SYNE2: variants seen among roughly 807,000 people sequenced by gnomAD.
The protein encoded by SYNE2 is spectrin repeat containing nuclear envelope protein 2.
SYNE2 carries 431 observed loss-of-function variants against 856.3 expected under a neutral mutation model. That is an observed-to-expected ratio of 0.50 (90% CI 0.47 to 0.55). The LOEUF is 0.55. Among genes scored for constraint, SYNE2 ranks in the 20% least tolerant of loss-of-function variants. SYNE2 has a pLI of 0.00. For missense variants in SYNE2, 8,129 were observed against 8,023.2 expected (o/e 1.01, Z -0.50); for synonymous variants, 2,923 against 2,872.3 (o/e 1.02, Z -0.56).
intron 8 of SYNE2, among the ~76,000 whole-genome samples, chr14:63,959,938 G>A (rs370066026): frequency 1.6e-4 from 24 of 152,122 alleles, no homozygotes; most frequent in Middle Eastern, 6.8e-3. Context: ...CCGCATAATT[G>A]CCCATAATTC....
chr14:63,872,999 A>T (rs2094623762), intron 1 of SYNE2, among the ~76,000 whole-genome samples: 1 of 151,866 alleles, frequency 6.6e-6, no homozygotes, highest in Non-Finnish European at 1.5e-5. Context: ...TCTAGGACCC[A>T]CCTGTTCACG....
intron 2 of SYNE2, among the ~76,000 whole-genome samples, chr14:63,937,899 T>G (rs2095852708): frequency 6.6e-6 from 1 of 152,160 alleles, no homozygotes; most frequent in Admixed American, 6.5e-5. Context: ...TGAGGGACAC[T>G]GAAAAACTGG....
chr14:64,060,891 T>A (rs1335082177), intron 49 of SYNE2, among the ~76,000 whole-genome samples: 1 of 152,136 alleles, frequency 6.6e-6, no homozygotes, highest in Non-Finnish European at 1.5e-5. Context: ...TGGCTGAGTT[T>A]TGTCCTATGT....
At chr14:63,983,969 C>T (rs1014005642) in intron 18 of SYNE2, 83 bp downstream of exon 18, 10 of 1,048,136 alleles carry the variant, frequency 9.5e-6, no homozygotes, top group South Asian at 1.5e-5. Context: ...TTGCCGGGCA[C>T]GGTGGCTCAT....
intron 25 of SYNE2, 142 bp downstream of exon 25, chr14:63,997,533 A>G (rs2096722811): frequency 1.3e-6 from 1 of 764,938 alleles, no homozygotes. Context: ...TACACAATGC[A>G]AAAGACTGAT....
At position 64,062,732 on chromosome 14, in the gene SYNE2, TCTAA is replaced by T. The variant is rs746440795; in HGVS notation, c.10068-16_10068-13del. 3 of 1,607,896 alleles carry T rather than the reference TCTAA, an allele frequency of 1.9e-6. No homozygotes were observed. The highest frequency in any genetic ancestry group is 2.6e-6 in the Non-Finnish European group (3 of 1,174,678). On this transcript the variant is annotated splice_polypyrimidine_tract_variant and intron_variant, in intron 49 of 115. Coordinates refer to ENST00000555002, the MANE Select transcript of SYNE2 (RefSeq NM_182914.3). ...AAATAAAATTTAATACCACTTTTTTTCTAACTGTGACTCACTAGGTATCTTGAGA... is the reference window on the plus strand; with the variant it reads ...AAATAAAATTTAATACCACTTTTTTTCTGTGACTCACTAGGTATCTTGAGA...
At chr14:64,155,163 T>C (rs1467109990) in intron 85 of SYNE2, among the ~76,000 whole-genome samples, 1 of 152,182 alleles carries the variant, frequency 6.6e-6, no homozygotes, top group Non-Finnish European at 1.5e-5. Context: ...CAAAAACTTA[T>C]ACGTGAATAT....
intron 45 of SYNE2, among the ~76,000 whole-genome samples, chr14:64,031,730 T>C (rs2097037866): frequency 6.6e-6 from 1 of 152,236 alleles, no homozygotes; most frequent in South Asian, 2.1e-4. Context: ...GGGGGTTGAT[T>C]TCATAATAAA....
intron 73 of SYNE2, among the ~76,000 whole-genome samples, chr14:64,127,953 A>G (rs1238751374): frequency 2.6e-5 from 4 of 152,212 alleles, no homozygotes; most frequent in Admixed American, 2.6e-4. Context: ...GGGATTCTGC[A>G]GGTTAAGAGA....
intron 32 of SYNE2, among the ~76,000 whole-genome samples, chr14:64,015,515 CTG>C (rs2096885908): frequency 6.6e-6 from 1 of 152,006 alleles, no homozygotes; most frequent in South Asian, 2.1e-4. Flanking sequence ...TGCTTGATGT[CTG>C]TAGTGTCTGT....
intron 96 of SYNE2, 152 bp from the exon 97 acceptor site, chr14:64,186,272 G>A (rs928865376): frequency 4.3e-6 from 4 of 925,732 alleles, no homozygotes; most frequent in Middle Eastern, 2.3e-4. Flanking sequence ...AACTGCAGGC[G>A]CTCGTCTTGG....
chr14:64,087,633 A>G (rs928419923), intron 57 of SYNE2, 38 bp from the exon 58 acceptor site: 1 of 1,596,448 alleles, frequency 6.3e-7, no homozygotes, highest in African/African-American at 1.3e-5. Context: ...CAGGATCTTG[A>G]TGTTTCTCTC....
intron 1 of SYNE2, among the ~76,000 whole-genome samples, chr14:63,892,474 C>T (rs1296255822): frequency 1.3e-5 from 2 of 150,694 alleles, no homozygotes; most frequent in Non-Finnish European, 1.5e-5. Flanking sequence ...GGCATTTTTA[C>T]CTTAAAATAC....
At chr14:64,005,438 A>T (rs909970218) in intron 30 of SYNE2, among the ~76,000 whole-genome samples, 1 of 152,120 alleles carries the variant, frequency 6.6e-6, no homozygotes, top group African/African-American at 2.4e-5. Context: ...TGGGGTGTAA[A>T]AGAGATATTG....
At chr14:63,976,143 A>T (rs2096541111) in intron 11 of SYNE2, among the ~76,000 whole-genome samples, 1 of 152,212 alleles carries the variant, frequency 6.6e-6, no homozygotes, top group South Asian at 2.1e-4. Flanking sequence ...ATATACAGTT[A>T]GGGCTAGAGA....
chr14:64,119,282 T>A (rs779753198), intron 66 of SYNE2, 145 bp from the exon 67 acceptor site: 2 of 978,926 alleles, frequency 2.0e-6, no homozygotes, highest in African/African-American at 3.3e-5. Context: ...TGTGGAAGTT[T>A]TTGTTTTTCC....
chr14:64,202,783 T>A lies in SYNE2; in HGVS notation c.18039-18T>A, dbSNP rs2098581015. ...GGTTTTTTTTTGTTTCGTTTTGTTTTTCTGCAAATATGTGTAGGGTGAAGA... is the reference window on the plus strand; with the variant it reads ...GGTTTTTTTTTGTTTCGTTTTGTTTATCTGCAAATATGTGTAGGGTGAAGA... On this transcript the variant is annotated intron_variant, in intron 99 of 115. Coordinates refer to ENST00000555002, the MANE Select transcript of SYNE2 (RefSeq NM_182914.3). 8.7e-6 allele frequency: 14 copies of A among 1,614,014 alleles called. No individual in the cohort carries two copies. The highest frequency in any genetic ancestry group is 1.2e-5 in the Non-Finnish European group (14 of 1,180,032).
chr14:63,805,843 T>A (rs1888342940), intron 1 of SYNE2, among the ~76,000 whole-genome samples: 1 of 152,242 alleles, frequency 6.6e-6, no homozygotes, highest in Non-Finnish European at 1.5e-5. Context: ...ATCCTGAAAC[T>A]TTGTTGAAGT....
chr14:64,216,183 G>A (rs1010082040), intron 107 of SYNE2, 65 bp from the exon 108 acceptor site: 2 of 1,609,748 alleles, frequency 1.2e-6, no homozygotes, highest in Non-Finnish European at 1.7e-6. Context: ...GTAACCTGAT[G>A]CCATGTCACC....
Sources: allele counts gnomAD v4.1 joint callset (sites outside exome capture counted in the v4.1 genomes callset), GRCh38; gene constraint gnomAD v4.1.1; transcripts MANE v1.5; gene names NCBI Gene and HGNC (gene_info 2026-07-23, HGNC 2026-07-21).